Variants in C7orf78 observed in about 807,000 individuals in gnomAD.
The protein encoded by C7orf78 is putative uncharacterized protein C7orf78.
At chr7:12,538,667 T>C in the C7orf78 span, among the ~76,000 whole-genome samples, 1 of 152,240 alleles carries the variant, frequency 6.6e-6, no homozygotes, top group Admixed American at 6.5e-5. Flanking sequence ...AGGCATCTTA[T>C]CATTGGTGGG....
chr7:12,536,397 G>C, the C7orf78 span, among the ~76,000 whole-genome samples: 241 of 152,200 alleles, frequency 1.6e-3, 1 homozygote, highest in Non-Finnish European at 2.8e-3. Flanking sequence ...TGGGACATAA[G>C]GCACCAAGTC....
At chr7:12,531,099 A>C in the C7orf78 span, 1 of 398,174 alleles carries the variant, frequency 2.5e-6, no homozygotes. Context: ...GCAGGTGGGC[A>C]AAAAAATTAG....
chr7:12,534,292 A>G, the C7orf78 span, among the ~76,000 whole-genome samples: 1 of 152,218 alleles, frequency 6.6e-6, no homozygotes, highest in African/African-American at 2.4e-5. Flanking sequence ...ATGTTCAGCC[A>G]TGAAAAATTC....
chr7:12,487,744 A>T, the C7orf78 span, among the ~76,000 whole-genome samples: 1 of 152,092 alleles, frequency 6.6e-6, no homozygotes, highest in Non-Finnish European at 1.5e-5. Flanking sequence ...AAGTATTTTC[A>T]ACTGAAAATA....
the C7orf78 span, among the ~76,000 whole-genome samples, chr7:12,507,720 T>C: frequency 6.6e-6 from 1 of 152,232 alleles, no homozygotes; most frequent in Non-Finnish European, 1.5e-5. Flanking sequence ...AAAATCCATT[T>C]GGAAAATGTT....
the C7orf78 span, chr7:12,541,573 A>G: frequency 1.3e-5 from 2 of 152,140 alleles, no homozygotes; most frequent in African/African-American, 4.8e-5. Flanking sequence ...AAGTTCTTCT[A>G]CGGTTTAAAT....
the C7orf78 span, among the ~76,000 whole-genome samples, chr7:12,508,284 C>T: frequency 1.3e-5 from 2 of 151,970 alleles, no homozygotes; most frequent in East Asian, 3.9e-4. Flanking sequence ...TAGGCAGCCA[C>T]AAGTAACTAA....
the C7orf78 span, among the ~76,000 whole-genome samples, chr7:12,484,526 T>C: frequency 6.6e-6 from 1 of 152,240 alleles, no homozygotes; most frequent in Non-Finnish European, 1.5e-5. Flanking sequence ...GTAGAAAATA[T>C]ATTATTTAAT....
At chr7:12,497,275 GCAGAAGAC>G in the C7orf78 span, among the ~76,000 whole-genome samples, 1 of 152,150 alleles carries the variant, frequency 6.6e-6, no homozygotes, top group Non-Finnish European at 1.5e-5. Flanking sequence ...CCTGAGCGAC[GCAGAAGAC>G]GGGTGATTTC....
At chr7:12,522,142 T>G in the C7orf78 span, among the ~76,000 whole-genome samples, 4,368 of 152,166 alleles carry the variant, frequency 0.029, 197 homozygotes, top group African/African-American at 0.099. Flanking sequence ...CTATTTTGAT[T>G]TTATTATGAA....
chr7:12,499,272 T>G, the C7orf78 span, among the ~76,000 whole-genome samples: 1 of 152,002 alleles, frequency 6.6e-6, no homozygotes, highest in African/African-American at 2.4e-5. Flanking sequence ...ATGCTCCAAT[T>G]AAAAGACACA....
the C7orf78 span, among the ~76,000 whole-genome samples, chr7:12,517,157 G>T: frequency 6.6e-6 from 1 of 152,050 alleles, no homozygotes; most frequent in Non-Finnish European, 1.5e-5. Context: ...AAGATAATTT[G>T]AATCATGGGT....
chr7:12,491,641 TG>T, the C7orf78 span: 1 of 152,174 alleles, frequency 6.6e-6, no homozygotes. Flanking sequence ...AAGTGCTTCT[TG>T]TCAACTTGGC....
the C7orf78 span, among the ~76,000 whole-genome samples, chr7:12,523,919 A>G: frequency 6.6e-6 from 1 of 152,222 alleles, no homozygotes; most frequent in Non-Finnish European, 1.5e-5. Context: ...GTGATGAAGT[A>G]TATGGAGATG....
chr7:12,522,397 A>G, the C7orf78 span, among the ~76,000 whole-genome samples: 1 of 152,134 alleles, frequency 6.6e-6, no homozygotes, highest in African/African-American at 2.4e-5. Flanking sequence ...AAGCAAATGC[A>G]TGATTCTCAT....
the C7orf78 span, among the ~76,000 whole-genome samples, chr7:12,535,129 A>G: frequency 6.6e-6 from 1 of 152,214 alleles, no homozygotes; most frequent in Admixed American, 6.5e-5. Flanking sequence ...CTACTATTGC[A>G]CACCCACCAA....
chr7:12,513,156 T>C, the C7orf78 span, among the ~76,000 whole-genome samples: 4 of 152,024 alleles, frequency 2.6e-5, no homozygotes, highest in African/African-American at 9.7e-5. Context: ...TTTTAGTTTT[T>C]ATTTCATTTA....
chr7:12,512,211 C>G, the C7orf78 span, among the ~76,000 whole-genome samples: 3 of 152,042 alleles, frequency 2.0e-5, no homozygotes, highest in Non-Finnish European at 4.4e-5. Flanking sequence ...CTGGCTAAGA[C>G]TTCCAGTATT....
chr7:12,530,970 C>T, the C7orf78 span: 1 of 398,060 alleles, frequency 2.5e-6, no homozygotes, highest in South Asian at 1.3e-4. Context: ...AAAGTTAATA[C>T]ATGTCTGCTT....
Sources: allele counts gnomAD v4.1 joint callset (sites outside exome capture counted in the v4.1 genomes callset), GRCh38; gene constraint gnomAD v4.1.1; transcripts MANE v1.5; gene names NCBI Gene and HGNC (gene_info 2026-07-23, HGNC 2026-07-21).